CLVS1: variants seen among roughly 807,000 people sequenced by gnomAD.
CLVS1 encodes clavesin-1.
Under a neutral mutation model 33.1 loss-of-function variants are expected in CLVS1, and 10 were observed. That is an observed-to-expected ratio of 0.30 (90% CI 0.19 to 0.51). The LOEUF (loss-of-function observed/expected upper bound fraction) is 0.51, where lower values mean the gene tolerates loss of function less well. CLVS1 is among the 20% of genes least tolerant of loss of function. The pLI, the probability that CLVS1 is intolerant of heterozygous loss-of-function variation, is 0.97. For synonymous variants in CLVS1, 163 were observed against 166.1 expected, an observed-to-expected ratio of 0.98 and a Z score of 0.14; for missense variants, 343 against 433.4, an observed-to-expected ratio of 0.79 and a Z score of 1.85.
At chr8:61,120,953 C>A (rs75903137) in intron 1 of CLVS1, among the ~76,000 whole-genome samples, 1 of 148,338 alleles carries the variant, frequency 6.7e-6, no homozygotes, top group Non-Finnish European at 1.5e-5. Flanking sequence ...TGGGCAATGG[C>A]GGGTGCCCCT....
chr8:61,078,546 G>A (rs534541851), intron 1 of CLVS1, among the ~76,000 whole-genome samples: 5 of 152,306 alleles, frequency 3.3e-5, no homozygotes, highest in East Asian at 3.9e-4. Context: ...TGCCTGTAAA[G>A]CTAAGATTCA....
chr8:61,313,080 G>A (rs1013224235), intron 2 of CLVS1, among the ~76,000 whole-genome samples: 24 of 151,916 alleles, frequency 1.6e-4, no homozygotes, highest in African/African-American at 5.3e-4. Flanking sequence ...TCCCACCTTC[G>A]CGTATACAGT....
rs375882569 is a variant in CLVS1, at chr8:61,073,438, G to A, written c.-243+16208G>A. On this transcript the variant is annotated intron_variant, in intron 1 of 2. Coordinates refer to the CLVS1 transcript ENST00000522621. ...GATATGTTGTCATGAAGATATGTTT[G>A]TAAGGAAACCAACAAAGCCACAAAT... Among the ~76,000 whole-genome samples the A allele has an allele frequency of 6.6e-5, 10 of 152,226 alleles. No individual in the cohort carries two copies. The East Asian group carries it at 1.7e-3, about 26-fold the overall frequency.
At chr8:61,292,331 C>G (rs1348036351) in intron 1 of CLVS1, 1 of 456,146 alleles carries the variant, frequency 2.2e-6, no homozygotes, top group East Asian at 7.0e-5. Flanking sequence ...GTTTTCTTAG[C>G]TGTGATTCCC....
At chr8:61,360,683 C>T (rs1364744793) in intron 2 of CLVS1, among the ~76,000 whole-genome samples, 2 of 152,142 alleles carry the variant, frequency 1.3e-5, no homozygotes, top group Non-Finnish European at 2.9e-5. Flanking sequence ...ATGTTTTCTT[C>T]TTGACAACTT....
the CLVS1 span, among the ~76,000 whole-genome samples, chr8:60,998,493 C>T: frequency 1.4e-4 from 22 of 152,230 alleles, no homozygotes; most frequent in African/African-American, 5.3e-4. Context: ...TGAGAGCCTC[C>T]CTGCCTGTTT....
chr8:61,287,014 G>A (rs989645027), upstream of CLVS1, among the ~76,000 whole-genome samples: 9 of 151,972 alleles, frequency 5.9e-5, no homozygotes, highest in Non-Finnish European at 1.0e-4. Flanking sequence ...TTCTATGATC[G>A]TAAATGAAAT....
the CLVS1 span, among the ~76,000 whole-genome samples, chr8:60,969,466 C>G: frequency 6.6e-6 from 1 of 152,264 alleles, no homozygotes; most frequent in South Asian, 2.1e-4. Context: ...GTTATGTCAG[C>G]CTTACGATCT....
At chr8:60,979,458 A>C in the CLVS1 span, among the ~76,000 whole-genome samples, 6 of 152,366 alleles carry the variant, frequency 3.9e-5, no homozygotes, top group African/African-American at 1.4e-4. Flanking sequence ...CAACATCTGC[A>C]GCAATACTGA....
At chr8:61,381,687 G>A (rs898414799) in intron 3 of CLVS1, among the ~76,000 whole-genome samples, 2 of 152,126 alleles carry the variant, frequency 1.3e-5, no homozygotes, top group Non-Finnish European at 2.9e-5. Flanking sequence ...AGAATGTGAG[G>A]TATTTGATTT....
At chr8:61,284,633 G>C (rs1215132725), upstream of CLVS1, among the ~76,000 whole-genome samples, 1 of 152,164 alleles carries the variant, frequency 6.6e-6, no homozygotes, top group African/African-American at 2.4e-5. Context: ...ACAAAGAAAA[G>C]CCTGGTTATT....
intron 3 of CLVS1, among the ~76,000 whole-genome samples, chr8:61,383,462 G>T (rs901354262): frequency 6.6e-6 from 1 of 152,156 alleles, no homozygotes; most frequent in African/African-American, 2.4e-5. Flanking sequence ...AAGGATATTT[G>T]CATTTTGTCA....
intron 2 of CLVS1, among the ~76,000 whole-genome samples, chr8:61,240,127 G>A (rs954850498): frequency 6.6e-6 from 1 of 152,188 alleles, no homozygotes; most frequent in South Asian, 2.1e-4. Context: ...AACAATGAGA[G>A]GTAGAGATGA....
intron 5 of CLVS1, among the ~76,000 whole-genome samples, chr8:61,498,004 A>G (rs916162665): frequency 1.3e-5 from 2 of 151,366 alleles, no homozygotes; most frequent in African/African-American, 2.4e-5. Flanking sequence ...TTTTACTACA[A>G]CGTGTTTTAT....
intron 2 of CLVS1, among the ~76,000 whole-genome samples, chr8:61,353,244 A>G (rs1812548568): frequency 6.6e-6 from 1 of 152,072 alleles, no homozygotes; most frequent in African/African-American, 2.4e-5. Flanking sequence ...AGCAAGGTAC[A>G]CATTTTTTAA....
intron 3 of CLVS1, among the ~76,000 whole-genome samples, chr8:61,382,963 T>G (rs1426851033): frequency 6.6e-6 from 1 of 152,212 alleles, no homozygotes; most frequent in Non-Finnish European, 1.5e-5. Flanking sequence ...GCAACATGCC[T>G]GGTAGACAGC....
chr8:61,443,446 T>C (rs1191553822), intron 3 of CLVS1, among the ~76,000 whole-genome samples: 1 of 152,196 alleles, frequency 6.6e-6, no homozygotes, highest in African/African-American at 2.4e-5. Flanking sequence ...TATTTTTTTG[T>C]TTTTTGTTTT....
At chr8:61,008,453 T>A in the CLVS1 span, among the ~76,000 whole-genome samples, 3 of 149,706 alleles carry the variant, frequency 2.0e-5, no homozygotes, top group South Asian at 6.3e-4. Context: ...ACAGTAAGAA[T>A]TGGGGATTTA....
chr8:61,215,233 GTT>G (rs1347116752), intron 2 of CLVS1, among the ~76,000 whole-genome samples: 2 of 152,022 alleles, frequency 1.3e-5, no homozygotes, highest in Non-Finnish European at 2.9e-5. Flanking sequence ...AAGTTTAGTA[GTT>G]TATTTTTAAG....
Sources: gnomAD v4.1 joint callset for allele counts (sites outside exome capture counted in the v4.1 genomes callset) on GRCh38, gnomAD v4.1.1 for gene constraint, MANE v1.5 for transcripts, NCBI Gene and HGNC (gene_info 2026-07-23, HGNC 2026-07-21) for gene names.